SMAD3: variants seen among roughly 807,000 people sequenced by gnomAD.
SMAD3 encodes the protein SMAD family member 3.
SMAD3 carries 12 observed loss-of-function variants against 51.8 expected under a neutral mutation model. That is an observed-to-expected ratio of 0.23 (90% CI 0.15 to 0.38). The LOEUF is 0.38. Among genes scored for constraint, SMAD3 ranks in the 10% least tolerant of loss-of-function variants. The pLI is 1.00. For synonymous variants in SMAD3, 238 were observed against 227.7 expected, an observed-to-expected ratio of 1.05 and a Z score of -0.41; for missense variants, 294 against 565.6, an observed-to-expected ratio of 0.52 and a Z score of 4.87.
Position 67,181,471 on chromosome 15 carries a change from T to TGGCCCCCCCCCCCCCC in SMAD3, c.871+18_871+19insGGCCCCCCCCCCCCCC. The TGGCCCCCCCCCCCCCC allele has an allele frequency of 6.6e-7, 1 of 1,521,052 alleles. No individual in the cohort carries two copies. The highest frequency in any genetic ancestry group is 8.8e-7 in the Non-Finnish European group (1 of 1,131,982). 94.2% of individuals were successfully genotyped at this position (1,521,052 alleles called of 1,614,324 possible). A position where few individuals can be genotyped will look rare whatever the true frequency, so the allele number is the denominator to read the frequency against. ...ACACATCGGTATGGGGTGGCTCCAT[T>TGGCCCCCCCCCCCCCC]CCCCGCCCCCCCACCCTGCCCCTGC... On this transcript the variant is annotated intron_variant, in intron 6 of 8. Transcript: ENST00000327367.
At chr15:67,183,022 TATATA>T (rs1389165800) in intron 6 of SMAD3, among the ~76,000 whole-genome samples, 5 of 76,974 alleles carry the variant, frequency 6.5e-5, no homozygotes, top group Non-Finnish European at 1.2e-4. Flanking sequence ...TATATATATA[TATATA>T]TATATTTTTT....
At chr15:67,152,637 A>G (rs924040845) in intron 1 of SMAD3, among the ~76,000 whole-genome samples, 1 of 152,130 alleles carries the variant, frequency 6.6e-6, no homozygotes, top group Non-Finnish European at 1.5e-5. Context: ...AACATAAACC[A>G]TTGTCAGGCC....
chr15:67,137,255 A>T (rs1961690524), intron 1 of SMAD3, among the ~76,000 whole-genome samples: 1 of 152,200 alleles, frequency 6.6e-6, no homozygotes, highest in African/African-American at 2.4e-5. Context: ...ACAGATATAA[A>T]CACTTGAACC....
intron 1 of SMAD3, among the ~76,000 whole-genome samples, chr15:67,093,763 G>GT (rs1960556840): frequency 6.6e-6 from 1 of 152,234 alleles, no homozygotes; most frequent in South Asian, 2.1e-4. Flanking sequence ...TTGGGAGGCG[G>GT]TTACCTGAAG....
At chr15:67,132,888 TC>T (rs990014717) in intron 1 of SMAD3, among the ~76,000 whole-genome samples, 1 of 152,122 alleles carries the variant, frequency 6.6e-6, no homozygotes, top group Non-Finnish European at 1.5e-5. Context: ...GAAATCAGAC[TC>T]CCCGTAACTT....
intron 5 of SMAD3, 119 bp from the exon 6 acceptor site, chr15:67,181,122 G>T: frequency 1.3e-6 from 1 of 781,414 alleles, no homozygotes; most frequent in Admixed American, 2.0e-5. Context: ...ATGGGGTAGG[G>T]AGATTATAAT....
At chr15:67,142,839 C>T in intron 1 of SMAD3, 2 of 454,256 alleles carry the variant, frequency 4.4e-6, no homozygotes, top group Non-Finnish European at 8.9e-6. Flanking sequence ...AGCTGGTGGG[C>T]ACCCCATGTA....
intron 1 of SMAD3, chr15:67,098,827 C>G (rs1199771442): frequency 1.4e-6 from 1 of 698,508 alleles, no homozygotes; most frequent in Non-Finnish European, 2.6e-6. Flanking sequence ...TGAGGGCCCA[C>G]TGTTGCTCAG....
At chr15:67,141,359 A>T (rs1961815976) in intron 1 of SMAD3, among the ~76,000 whole-genome samples, 1 of 152,156 alleles carries the variant, frequency 6.6e-6, no homozygotes, top group African/African-American at 2.4e-5. Flanking sequence ...CTGCACAGGG[A>T]TGGTTCCATG....
chr15:67,105,620 G>A (rs1960859790), intron 1 of SMAD3, among the ~76,000 whole-genome samples: 1 of 152,250 alleles, frequency 6.6e-6, no homozygotes, highest in Non-Finnish European at 1.5e-5. Context: ...TCTGGCAGCA[G>A]AATGAGTTTC....
At chr15:67,068,552 C>T (rs567411752) in intron 1 of SMAD3, among the ~76,000 whole-genome samples, 99 of 152,354 alleles carry the variant, frequency 6.5e-4, no homozygotes, top group Middle Eastern at 3.4e-3. Flanking sequence ...AGAGTTCAAG[C>T]CAACCTGCCC....
At chr15:67,187,201 T>G (rs1963244384) in intron 7 of SMAD3, 164 bp from the exon 8 acceptor site, 1 of 831,088 alleles carries the variant, frequency 1.2e-6, no homozygotes, top group Admixed American at 1.9e-5. Context: ...TCCCTTTGCA[T>G]GGTACTGAGT....
At position 67,191,415 on chromosome 15, in the gene SMAD3, C is replaced by T. The variant is rs543663488; in HGVS notation, c.*879C>T. 3.9e-5 allele frequency: 9 copies of T among 233,382 alleles called. No individual in the cohort carries two copies. The highest frequency in any genetic ancestry group is 3.4e-4 in the Admixed American group (6 of 17,798). The allele number at this position is 233,382 out of a possible 1,614,324, so 14.5% of individuals were successfully genotyped here. A position where few individuals can be genotyped will look rare whatever the true frequency, so the allele number is the denominator to read the frequency against. On this transcript the variant is annotated 3_prime_UTR_variant, in exon 9 of 9. Coordinates refer to ENST00000327367, the MANE Select transcript of SMAD3 (RefSeq NM_005902.4). ...GTCTCAGGCAGCACCACACTGGGTG[C>T]GTCTCCAGTCATCTGTAAGAGCTTG...
chr15:67,162,718 T>C (rs1962461895), intron 1 of SMAD3, among the ~76,000 whole-genome samples: 1 of 151,986 alleles, frequency 6.6e-6, no homozygotes, highest in African/African-American at 2.4e-5. Context: ...TTTTCCACTT[T>C]CCACAGGGCC....
At chr15:67,164,000 T>G (rs996865801) in intron 1 of SMAD3, among the ~76,000 whole-genome samples, 14 of 142,140 alleles carry the variant, frequency 9.8e-5, no homozygotes, top group African/African-American at 3.7e-4. Flanking sequence ...CACTCCCTGC[T>G]CACCACAAAT....
intron 8 of SMAD3, 22 bp from the exon 9 acceptor site, chr15:67,190,391 C>A (rs747673997): frequency 1.2e-6 from 2 of 1,612,552 alleles, no homozygotes; most frequent in South Asian, 1.1e-5. Context: ...CCCCACCCCA[C>A]CCCTTTCCCT....
intron 3 of SMAD3, chr15:67,166,469 G>A (rs1962592097): frequency 6.1e-6 from 3 of 491,044 alleles, no homozygotes; most frequent in South Asian, 2.1e-5. Flanking sequence ...CCTGGAGGGG[G>A]TGGGGCTTAA....
intron 1 of SMAD3, among the ~76,000 whole-genome samples, chr15:67,156,201 T>G (rs546268690): frequency 1.3e-5 from 2 of 152,284 alleles, no homozygotes; most frequent in Non-Finnish European, 2.9e-5. Context: ...AACAGCTCCT[T>G]TTTGTCCATT....
At chr15:67,138,086 A>T in intron 1 of SMAD3, 1 of 1,551,620 alleles carries the variant, frequency 6.4e-7, no homozygotes, top group Non-Finnish European at 8.7e-7. Context: ...ACCGGAAAGC[A>T]TGGTGGATGG....
Sources: allele counts gnomAD v4.1 joint callset (sites outside exome capture counted in the v4.1 genomes callset), GRCh38; gene constraint gnomAD v4.1.1; transcripts MANE v1.5; gene names NCBI Gene and HGNC (gene_info 2026-07-23, HGNC 2026-07-21).